Variants in USP15 observed in about 807,000 individuals in gnomAD.
USP15 encodes ubiquitin carboxyl-terminal hydrolase 15.
USP15 carries 18 observed loss-of-function variants against 127.1 expected under a neutral mutation model. The ratio of observed to expected loss-of-function variants is 0.14; its 90% CI spans 0.10 to 0.21. The LOEUF (loss-of-function observed/expected upper bound fraction) is 0.21, where lower values mean the gene tolerates loss of function less well. USP15 is among the 10% of genes least tolerant of loss of function. USP15 has a pLI of 1.00. For synonymous variants in USP15, 364 were observed against 393.7 expected (o/e 0.92, Z 0.89); for missense variants, 805 against 1,159.9 (o/e 0.69, Z 4.44).
chr12:62,326,440 T>TTTAGAACTAATAG (rs2065127921), intron 6 of USP15, among the ~76,000 whole-genome samples: 1 of 152,184 alleles, frequency 6.6e-6, no homozygotes, highest in Non-Finnish European at 1.5e-5. Context: ...TACACTCCAT[T>TTTAGAACTAATAG]ATCAAAACAC....
At chr12:62,389,288 A>G in intron 11 of USP15, 143 bp from the exon 12 acceptor site, 3 of 648,302 alleles carry the variant, frequency 4.6e-6, no homozygotes, top group Non-Finnish European at 7.8e-6. Flanking sequence ...ATTGTCACAC[A>G]GGACCCAGGA....
At chr12:62,265,188 A>G (rs746870863) in intron 1 of USP15, among the ~76,000 whole-genome samples, 5 of 152,136 alleles carry the variant, frequency 3.3e-5, no homozygotes, top group Non-Finnish European at 7.4e-5. Flanking sequence ...AAATTATACC[A>G]TTTTCCTGTT....
Position 62,409,595 on chromosome 12 carries a change from G to A in USP15, c.*5220G>A, listed in dbSNP as rs758251830. On this transcript the variant is annotated 3_prime_UTR_variant, in exon 22 of 22. Transcript: ENST00000280377. ...TTTTTTCTCATGTCAGGAACTTGCA[G>A]CTTGTTCTATATAGTTTGGTGAAAC... The A allele has an allele frequency of 5.3e-5, 8 of 152,126 alleles. No individual in the cohort carries two copies. The highest frequency in any genetic ancestry group is 1.2e-4 in the Non-Finnish European group (8 of 68,000). 9.4% of individuals were successfully genotyped at this position (152,126 alleles called of 1,614,324 possible).
intron 21 of USP15, among the ~76,000 whole-genome samples, chr12:62,403,045 T>A (rs916714778): frequency 6.6e-6 from 1 of 152,226 alleles, no homozygotes; most frequent in Middle Eastern, 3.4e-3. Flanking sequence ...TGACTTTTAC[T>A]TCACCATTCA....
At chr12:62,294,106 A>G (rs1041725392) in intron 1 of USP15, 73 bp from the exon 2 acceptor site, 2 of 1,499,526 alleles carry the variant, frequency 1.3e-6, no homozygotes, top group African/African-American at 2.8e-5. Flanking sequence ...AGGAAATATC[A>G]AAAAATAGAT....
intron 4 of USP15, among the ~76,000 whole-genome samples, chr12:62,318,605 A>T (rs1177672117): frequency 6.6e-6 from 1 of 152,054 alleles, no homozygotes; most frequent in Non-Finnish European, 1.5e-5. Context: ...CCTGGCTTTA[A>T]ATATTTTCCA....
At chr12:62,268,629 A>T (rs1181408274) in intron 1 of USP15, among the ~76,000 whole-genome samples, 2 of 152,128 alleles carry the variant, frequency 1.3e-5, no homozygotes, top group Admixed American at 1.3e-4. Context: ...CTTAAAAATT[A>T]CTGACTTTCA....
At chr12:62,312,875 A>G (rs967459056) in intron 3 of USP15, among the ~76,000 whole-genome samples, 1 of 151,670 alleles carries the variant, frequency 6.6e-6, no homozygotes, top group Non-Finnish European at 1.5e-5. Flanking sequence ...TTATATAAGC[A>G]AATAATCTAC....
intron 1 of USP15, among the ~76,000 whole-genome samples, chr12:62,284,254 A>T (rs1222488481): frequency 6.6e-6 from 1 of 152,228 alleles, no homozygotes; most frequent in African/African-American, 2.4e-5. Flanking sequence ...CTTTGCGAAG[A>T]AAGCAAGTCG....
At chr12:62,357,309 G>A (rs974397639) in intron 8 of USP15, among the ~76,000 whole-genome samples, 6 of 151,980 alleles carry the variant, frequency 3.9e-5, no homozygotes, top group Non-Finnish European at 8.8e-5. Flanking sequence ...CTCAGAAATA[G>A]GTATTCAAAT....
At chr12:62,331,160 A>G (rs1475425120) in intron 6 of USP15, among the ~76,000 whole-genome samples, 1 of 152,176 alleles carries the variant, frequency 6.6e-6, no homozygotes, top group Admixed American at 6.5e-5. Flanking sequence ...ACTAACCTGG[A>G]ATTTGTCCAT....
chr12:62,318,525 T>A (rs1264758073), intron 4 of USP15, among the ~76,000 whole-genome samples: 1 of 152,166 alleles, frequency 6.6e-6, no homozygotes, highest in Non-Finnish European at 1.5e-5. Context: ...TTCTTCATAT[T>A]CTTTATCTCA....
intron 8 of USP15, among the ~76,000 whole-genome samples, chr12:62,366,286 G>A (rs12314644): frequency 3.3e-5 from 5 of 151,906 alleles, no homozygotes; most frequent in African/African-American, 9.7e-5. Context: ...AGTGGTATTC[G>A]TAGGTATTTT....
intron 11 of USP15, among the ~76,000 whole-genome samples, chr12:62,385,023 T>C (rs1565904370): frequency 6.6e-6 from 1 of 151,920 alleles, no homozygotes; most frequent in African/African-American, 2.4e-5. Flanking sequence ...CTTCTTTTTC[T>C]ACCTCTCTTT....
In USP15 at chr12:62,314,816, G is replaced by C; in HGVS notation, c.375G>C (p.Lys125Asn). Residue 125 changes from lysine (K) to asparagine (N), a missense_variant, in exon 4 of 22, where the codon AAG (lysine) becomes AAC (asparagine). Around this residue, in one of 11 missense-constraint regions of USP15, gnomAD observed 69 missense variants for 126.4 expected, o/e 0.55. Transcript: ENST00000280377. ...RKVVEQGMFVKHCKVEVYLTE... is the reference protein window; with the variant it reads ...RKVVEQGMFVNHCKVEVYLTE... ...TGGTTGAACAGGGTATGTTTGTAAA[G>C]CACTGCAAAGTAGAAGTATATCTCA... 1 of 1,589,840 alleles carries C rather than the reference G, an allele frequency of 6.3e-7. No individual in the cohort carries two copies. Among genetic ancestry groups the C allele is most frequent in the African/African-American group, 1.4e-5 (1 of 73,786 alleles).
At chr12:62,392,990 A>G in intron 18 of USP15, 63 bp from the exon 19 acceptor site, 1 of 1,557,156 alleles carries the variant, frequency 6.4e-7, no homozygotes, top group Non-Finnish European at 8.7e-7. Flanking sequence ...TTTGTTTATT[A>G]TTTTCATTAA....
chr12:62,280,919 AT>A (rs2063628831), intron 1 of USP15, among the ~76,000 whole-genome samples: 1 of 152,212 alleles, frequency 6.6e-6, no homozygotes, highest in South Asian at 2.1e-4. Flanking sequence ...AGTTATAACT[AT>A]TTGTATTGGT....
chr12:62,396,165 TATAG>T (rs1265288898), intron 19 of USP15, 126 bp from the exon 20 acceptor site: 4 of 403,760 alleles, frequency 9.9e-6, no homozygotes, highest in African/African-American at 2.1e-5. Flanking sequence ...TATATATATA[TATAG>T]ATAGATATAT....
At position 62,302,610 on chromosome 12, in the gene USP15, A is replaced by G. The variant is rs563243262; in HGVS notation, c.218-180A>G. Reference sequence around the variant, plus strand: ...CTCATCAACTATTGTTAGTGTTACAATTCTTCCAATACGGCCCAGAGAAAC... The same window carrying G: ...CTCATCAACTATTGTTAGTGTTACAGTTCTTCCAATACGGCCCAGAGAAAC... On this transcript the variant is annotated intron_variant, in intron 2 of 21. Transcript: ENST00000280377. 9.2e-5 allele frequency among the ~76,000 whole-genome samples: 14 copies of G among 152,206 alleles called. No individual in the cohort carries two copies. In the South Asian group the frequency reaches 2.7e-3, roughly 29 times the overall value.
Sources: allele counts gnomAD v4.1 joint callset (sites outside exome capture counted in the v4.1 genomes callset), GRCh38; gene constraint gnomAD v4.1.1; regional missense constraint gnomAD v4.1.1; transcripts MANE v1.5; gene names NCBI Gene and HGNC (gene_info 2026-07-23, HGNC 2026-07-21).